The following EFNA5 variants were observed in gnomAD, a reference collection of about 807,000 sequenced individuals.
The protein encoded by EFNA5 is ephrin-A5.
Under a neutral mutation model 22.9 loss-of-function variants are expected in EFNA5, and 5 were observed. The ratio of observed to expected loss-of-function variants is 0.22; its 90% CI spans 0.11 to 0.46. The LOEUF is 0.46. Ranked by LOEUF, EFNA5 falls within the 20% of genes least tolerant of loss-of-function variation. The pLI, the probability that EFNA5 is intolerant of heterozygous loss-of-function variation, is 0.99. For synonymous variants in EFNA5, 113 were observed against 112.2 expected (o/e 1.01, Z -0.04); for missense variants, 237 against 293.3 (o/e 0.81, Z 1.40).
intron 1 of EFNA5, among the ~76,000 whole-genome samples, chr5:107,568,757 C>G (rs1310561460): frequency 6.6e-6 from 1 of 152,098 alleles, no homozygotes; most frequent in Admixed American, 6.5e-5. Flanking sequence ...GTGATGAAAT[C>G]AACTAGTTGA....
intron 1 of EFNA5, among the ~76,000 whole-genome samples, chr5:107,440,873 T>A (rs775229016): frequency 1.3e-5 from 2 of 152,152 alleles, no homozygotes; most frequent in Non-Finnish European, 2.9e-5. Context: ...GTTACTCTAA[T>A]ATAGCACGTC....
intron 1 of EFNA5, among the ~76,000 whole-genome samples, chr5:107,668,951 T>C (rs557522173): frequency 1.3e-4 from 20 of 152,292 alleles, no homozygotes; most frequent in African/African-American, 4.8e-4. Flanking sequence ...CTCTTGTTTT[T>C]TGAACCAAAC....
intron 1 of EFNA5, among the ~76,000 whole-genome samples, chr5:107,668,463 C>A (rs1751118881): frequency 6.6e-6 from 1 of 152,122 alleles, no homozygotes; most frequent in Non-Finnish European, 1.5e-5. Context: ...CAAACTAACT[C>A]AGACTAGCTT....
chr5:107,414,353 G>T (rs1396231453), intron 2 of EFNA5, among the ~76,000 whole-genome samples: 1 of 151,974 alleles, frequency 6.6e-6, no homozygotes, highest in Non-Finnish European at 1.5e-5. Context: ...CTCTTTTATG[G>T]AAAGTGCTAA....
At chr5:107,427,778 A>T (rs1022425750) in intron 1 of EFNA5, among the ~76,000 whole-genome samples, 3 of 152,118 alleles carry the variant, frequency 2.0e-5, no homozygotes, top group Non-Finnish European at 4.4e-5. Flanking sequence ...TATTATATTA[A>T]ATATCACTCT....
intron 2 of EFNA5, among the ~76,000 whole-genome samples, chr5:107,413,229 G>A (rs773362093): frequency 1.3e-5 from 2 of 152,062 alleles, no homozygotes; most frequent in Non-Finnish European, 2.9e-5. Context: ...AGGAACCTAT[G>A]AAATAATAGA....
chr5:107,555,314 C>T (rs1168405089), intron 1 of EFNA5, among the ~76,000 whole-genome samples: 2 of 152,176 alleles, frequency 1.3e-5, no homozygotes, highest in Non-Finnish European at 2.9e-5. Context: ...TTTGGTCAGC[C>T]AACATGCAGC....
At chr5:107,454,261 C>T (rs569800577) in intron 1 of EFNA5, among the ~76,000 whole-genome samples, 1 of 152,202 alleles carries the variant, frequency 6.6e-6, no homozygotes, top group East Asian at 1.9e-4. Flanking sequence ...TTATATTAAA[C>T]TCAACAAGAC....
chr5:107,554,991 C>G (rs1748377235), intron 1 of EFNA5, among the ~76,000 whole-genome samples: 1 of 152,140 alleles, frequency 6.6e-6, no homozygotes, highest in African/African-American at 2.4e-5. Context: ...GGGCTCTGAA[C>G]AACTCAGAAA....
chr5:107,431,369 C>G (rs112372302), intron 1 of EFNA5, among the ~76,000 whole-genome samples: 101 of 152,290 alleles, frequency 6.6e-4, no homozygotes, highest in African/African-American at 2.0e-3. Flanking sequence ...ATCATGTTCT[C>G]TGGGTATAAA....
intron 1 of EFNA5, among the ~76,000 whole-genome samples, chr5:107,466,427 G>C (rs997120644): frequency 1.3e-5 from 2 of 152,094 alleles, no homozygotes; most frequent in African/African-American, 4.8e-5. Flanking sequence ...CTCTCTCCCA[G>C]ACTCCCTTCT....
chr5:107,606,972 T>C (rs1226212156), intron 1 of EFNA5, among the ~76,000 whole-genome samples: 1 of 152,186 alleles, frequency 6.6e-6, no homozygotes, highest in African/African-American at 2.4e-5. Context: ...CCTAAGGGGA[T>C]TGATATTTTC....
chr5:107,449,059 AAAAT>A (rs1394015360), intron 1 of EFNA5, among the ~76,000 whole-genome samples: 1 of 152,014 alleles, frequency 6.6e-6, no homozygotes, highest in Non-Finnish European at 1.5e-5. Flanking sequence ...AAATAAATGA[AAAAT>A]AAGGTGTCCT....
At chr5:107,666,457 T>C (rs956390549) in intron 1 of EFNA5, among the ~76,000 whole-genome samples, 1 of 152,130 alleles carries the variant, frequency 6.6e-6, no homozygotes, top group African/African-American at 2.4e-5. Context: ...CTAAAAGGTG[T>C]CAATTACCTG....
intron 1 of EFNA5, among the ~76,000 whole-genome samples, chr5:107,465,948 C>G (rs1012611630): frequency 2.0e-5 from 3 of 152,078 alleles, no homozygotes; most frequent in African/African-American, 7.2e-5. Flanking sequence ...CCCACTACAC[C>G]CAGCCACACT....
intron 1 of EFNA5, among the ~76,000 whole-genome samples, chr5:107,599,878 C>T (rs1231556471): frequency 6.6e-6 from 1 of 152,226 alleles, no homozygotes. Context: ...CACACAATGG[C>T]AGCTGCCTTT....
At chr5:107,431,644 C>T (rs902948786) in intron 1 of EFNA5, among the ~76,000 whole-genome samples, 20 of 152,166 alleles carry the variant, frequency 1.3e-4, no homozygotes, top group African/African-American at 3.9e-4. Context: ...CAAAGCTCTT[C>T]ACTTTTCCAT....
intron 1 of EFNA5, among the ~76,000 whole-genome samples, chr5:107,552,055 T>C (rs755397181): frequency 6.6e-6 from 1 of 152,096 alleles, no homozygotes; most frequent in Non-Finnish European, 1.5e-5. Flanking sequence ...TTTTTTTCAA[T>C]ATTGCCAAAT....
At chr5:107,479,544 G>A (rs888738726) in intron 1 of EFNA5, among the ~76,000 whole-genome samples, 1 of 151,956 alleles carries the variant, frequency 6.6e-6, no homozygotes, top group Admixed American at 6.6e-5. Context: ...GAGGTTACTC[G>A]AGACATGGAA....
Sources: allele counts gnomAD v4.1 joint callset (sites outside exome capture counted in the v4.1 genomes callset), GRCh38; gene constraint gnomAD v4.1.1; transcripts MANE v1.5; gene names NCBI Gene and HGNC (gene_info 2026-07-23, HGNC 2026-07-21).